The following YJEFN3 variants were observed in gnomAD, a reference collection of about 807,000 sequenced individuals.
The protein encoded by YJEFN3 is YjeF N-terminal domain containing 3.
A neutral mutation model predicts 31.5 loss-of-function variants in YJEFN3; 29 were observed. That is an observed-to-expected ratio of 0.92 (90% CI 0.69 to 1.26). The LOEUF (loss-of-function observed/expected upper bound fraction) is 1.26, where lower values mean the gene tolerates loss of function less well. YJEFN3 is among the 50% of genes most tolerant of loss of function. The pLI is 0.00. For missense variants in YJEFN3, 442 were observed against 425.4 expected, an observed-to-expected ratio of 1.04 and a Z score of -0.34; for synonymous variants, 227 against 196.1, an observed-to-expected ratio of 1.16 and a Z score of -1.32.
intron 2 of YJEFN3, among the ~76,000 whole-genome samples, chr19:19,532,018 A>G (rs1044377450): frequency 5.9e-5 from 9 of 151,950 alleles, no homozygotes. Context: ...GGGATTACGG[A>G]TGTGAGGCAC....
At chr19:19,533,909 G>A (rs762299997) in intron 3 of YJEFN3, 18 of 985,436 alleles carry the variant, frequency 1.8e-5, no homozygotes, top group Non-Finnish European at 1.9e-5. Context: ...CTCTGGGCCC[G>A]GTGTGGCTGG....
In YJEFN3 at chr19:19,531,718, CTTT is replaced by C. The variant is rs56747140; in HGVS notation, c.210-886_210-884del. Among the ~76,000 whole-genome samples, 184 of 75,796 alleles carry C rather than the reference CTTT, an allele frequency of 2.4e-3. 2 individuals are homozygous for C. Among genetic ancestry groups the C allele is most frequent in the Middle Eastern group, 0.012 (1 of 84 alleles). The allele number at this position is 75,796 out of a possible 152,430, so 49.7% of individuals were successfully genotyped here. ...GCCACATTTTCTGGCAACAAATAAC[CTTT>C]TTTTTTTTTTTTTTTTTTTTTTTTT... On this transcript the variant is annotated intron_variant, in intron 2 of 6. Transcript: ENST00000514277.
At chr19:19,535,173 C>A in intron 4 of YJEFN3, 29 bp downstream of exon 4, 1 of 1,568,466 alleles carries the variant, frequency 6.4e-7, no homozygotes, top group South Asian at 1.2e-5. Flanking sequence ...TTCGACCTCC[C>A]AAAGTCCCTG....
rs2061201300 is a variant in YJEFN3 at position 19,535,596 on chromosome 19, G to A, written c.611G>A (p.Gly204Asp). Reference sequence around the variant, plus strand: ...GTACTGGGCCCCGGCGTGGAGCCGGGCGAGGTCGGGGGCCCCTGCACCCGC... The same window carrying A: ...GTACTGGGCCCCGGCGTGGAGCCGGACGAGGTCGGGGGCCCCTGCACCCGC... ...DAVLGPGVEP[G>D]EVGGPCTRAL... The change falls in exon 6 of 7, where the codon GGC becomes GAC. Residue 204 changes from glycine to aspartate, a missense_variant. By Grantham distance (94) the Gly-to-Asp change is moderately conservative (BLOSUM62 -1). Transcript: ENST00000514277. 1.9e-6 allele frequency: 3 copies of A among 1,582,480 alleles called. No individual in the cohort carries two copies. The highest frequency in any genetic ancestry group is 1.8e-5 in the Admixed American group (1 of 55,892).
chr19:19,535,719 C>T lies in YJEFN3; in HGVS notation c.694+40C>T, dbSNP rs2061203249. On this transcript the variant is annotated intron_variant, in intron 6 of 6. Coordinates refer to ENST00000514277, the MANE Select transcript of YJEFN3 (RefSeq NM_198537.4). ...GGGGGGCACATTGGGGCCTGGGGGG[C>T]TTGGGTGGAGGCCCCTGTGCCCCAG... is the stretch of plus-strand genomic sequence containing the variant. The T allele has an allele frequency of 5.8e-6, 9 of 1,540,710 alleles. No individual in the cohort carries two copies. The South Asian group carries it at 9.5e-5, about 16-fold the overall frequency.
Position 19,537,447 on chromosome 19 carries a change from G to C in YJEFN3, c.823G>C (p.Val275Leu). ...GRHHFVAGRFVPDDVRRKFAL... is the reference protein window; with the variant it reads ...GRHHFVAGRFLPDDVRRKFAL... ...CCACCACTTCGTGGCCGGCAGGTTCGTGCCCGATGACGTGCGCCGCAAGTT... is the reference window on the plus strand; with the variant it reads ...CCACCACTTCGTGGCCGGCAGGTTCCTGCCCGATGACGTGCGCCGCAAGTT... The change falls in exon 7 of 7, where the codon GTG (valine) becomes CTG (leucine). Residue 275 changes from valine to leucine, a missense_variant. Transcript: ENST00000514277. 2 of 1,587,522 alleles carry C rather than the reference G, an allele frequency of 1.3e-6. No individual in the cohort carries two copies. Among genetic ancestry groups the C allele is most frequent in the South Asian group, 1.1e-5 (1 of 89,034 alleles).
intron 2 of YJEFN3, among the ~76,000 whole-genome samples, chr19:19,531,940 AT>A (rs2061160824): frequency 6.6e-6 from 1 of 151,812 alleles, no homozygotes; most frequent in Non-Finnish European, 1.5e-5. Context: ...GGGTTTCACC[AT>A]GTTGGGCAGG....
chr19:19,537,510 G>A lies in YJEFN3; in HGVS notation c.886G>A (p.Val296Ile). The change falls in exon 7 of 7, where the codon GTC becomes ATC. Residue 296 changes from valine (V) to isoleucine (I), a missense_variant. By Grantham distance (29) the Val-to-Ile change is conservative. Transcript: ENST00000514277. The stretch of plus-strand genomic sequence containing the variant: ...GCCGGGATACACGGGCACCGACTGC[G>A]TCGCGGCACTGTGACCGCCACCCGC... ...RLPGYTGTDC[V>I]AAL The A allele has an allele frequency of 6.4e-7, 1 of 1,562,910 alleles. No individual in the cohort carries two copies. Among genetic ancestry groups the A allele is most frequent in the Non-Finnish European group, 8.6e-7 (1 of 1,156,150 alleles).
chr19:19,531,054 A>G (rs2061151109), intron 2 of YJEFN3, among the ~76,000 whole-genome samples: 1 of 152,158 alleles, frequency 6.6e-6, no homozygotes, highest in Non-Finnish European at 1.5e-5. Context: ...ATTACCTGCC[A>G]CGATGTGCCA....
rs56747140 is a variant in YJEFN3, at chr19:19,531,718, C to CTTTTTTTTTTTTTTTTTTTTTT, written c.210-905_210-884dup. Among the ~76,000 whole-genome samples the CTTTTTTTTTTTTTTTTTTTTTT allele has an allele frequency of 1.4e-4, 11 of 75,864 alleles. 2 individuals carry two copies. Among genetic ancestry groups the CTTTTTTTTTTTTTTTTTTTTTT allele is most frequent in the African/African-American group, 8.3e-4 (11 of 13,252 alleles). 49.8% of individuals were successfully genotyped at this position (75,864 alleles called of 152,430 possible). On this transcript the variant is annotated intron_variant, in intron 2 of 6. Transcript: ENST00000514277. ...GCCACATTTTCTGGCAACAAATAAC[C>CTTTTTTTTTTTTTTTTTTTTTT]TTTTTTTTTTTTTTTTTTTTTTTTT...
intron 2 of YJEFN3, among the ~76,000 whole-genome samples, chr19:19,531,118 T>C (rs1015057412): frequency 3.3e-5 from 5 of 152,158 alleles, no homozygotes; most frequent in Admixed American, 6.5e-5. Flanking sequence ...CAGTCCTCCT[T>C]CTCCTGCACT....
At chr19:19,532,594 T>C (rs1371528229) in intron 2 of YJEFN3, 38 bp from the exon 3 acceptor site, 1 of 1,395,194 alleles carries the variant, frequency 7.2e-7, no homozygotes, top group Non-Finnish European at 9.7e-7. Flanking sequence ...GCTCTGTCTC[T>C]GTGTGTCTCT....
chr19:19,535,576 G>A lies in YJEFN3; in HGVS notation c.591G>A (p.Leu197=). The change falls in exon 6 of 7, where the codon CTG becomes CTA. Residue 197 remains leucine (L), a synonymous_variant. Coordinates refer to ENST00000514277, the MANE Select transcript of YJEFN3 (RefSeq NM_198537.4). ...ATGGGCTGGTGGTGGATGCCGTACTGGGCCCCGGCGTGGAGCCGGGCGAGG... is the reference window on the plus strand; with the variant it reads ...ATGGGCTGGTGGTGGATGCCGTACTAGGCCCCGGCGTGGAGCCGGGCGAGG... ...EAYGLVVDAV[L]GPGVEPGEVG... 2.5e-6 allele frequency: 4 copies of A among 1,582,112 alleles called. No individual in the cohort carries two copies. Among genetic ancestry groups the A allele is most frequent in the Non-Finnish European group, 3.4e-6 (4 of 1,163,680 alleles).
At position 19,535,692 on chromosome 19, in the gene YJEFN3, GA is replaced by G; in HGVS notation, c.694+14del. The G allele has an allele frequency of 2.6e-6, 4 of 1,548,972 alleles. No individual in the cohort carries two copies. Among genetic ancestry groups the G allele is most frequent in the Non-Finnish European group, 3.5e-6 (4 of 1,148,472 alleles). On this transcript the variant is annotated intron_variant, in intron 6 of 6. Coordinates refer to ENST00000514277, the MANE Select transcript of YJEFN3 (RefSeq NM_198537.4). ...GACATCCCCTCAGGCATGCCAGGCA[GA>G]GGGGGGCACATTGGGGCCTGGGGGG... is the stretch of plus-strand genomic sequence containing the variant.
rs1029881960 is a variant in YJEFN3, at chr19:19,535,550, T to C, written c.565T>C (p.Tyr189His). 2 of 1,595,272 alleles carry C rather than the reference T, an allele frequency of 1.3e-6. No homozygotes were observed. The highest frequency in any genetic ancestry group is 1.7e-6 in the Non-Finnish European group (2 of 1,169,220). Reference sequence around the variant, plus strand: ...CCAGGTGCAGCTCATTAACGAAGCCTATGGGCTGGTGGTGGATGCCGTACT... The same window carrying C: ...CCAGGTGCAGCTCATTAACGAAGCCCATGGGCTGGTGGTGGATGCCGTACT... ...PTEVQLINEAYGLVVDAVLGP... is the reference protein window; with the variant it reads ...PTEVQLINEAHGLVVDAVLGP... Residue 189 changes from tyrosine to histidine, a missense_variant, in exon 6 of 7, where the codon TAT becomes CAT. Coordinates refer to ENST00000514277, the MANE Select transcript of YJEFN3 (RefSeq NM_198537.4).
At chr19:19,532,919 G>C (rs1253433212) in intron 3 of YJEFN3, among the ~76,000 whole-genome samples, 179 bp downstream of exon 3, 1 of 152,174 alleles carries the variant, frequency 6.6e-6, no homozygotes, top group Non-Finnish European at 1.5e-5. Context: ...GGCCAGATGG[G>C]GACCTGAGAC....
chr19:19,532,516 AC>A (rs1720028363), intron 2 of YJEFN3, 115 bp from the exon 3 acceptor site: 3 of 592,982 alleles, frequency 5.1e-6, no homozygotes, highest in Non-Finnish European at 8.4e-6. Context: ...ACTCGGGGGT[AC>A]GGGGTGGGAG....
chr19:19,533,640 C>A, intron 3 of YJEFN3: 2 of 984,142 alleles, frequency 2.0e-6, no homozygotes, highest in Non-Finnish European at 2.4e-6. Context: ...CCCTCCTCAC[C>A]CCTCCTCCTC....
Position 19,528,922 on chromosome 19 carries a change from T to C in YJEFN3, c.-11T>C. 1 of 1,547,702 alleles carries C rather than the reference T, an allele frequency of 6.5e-7. No homozygotes were observed. Among genetic ancestry groups the C allele is most frequent in the Non-Finnish European group, 8.7e-7 (1 of 1,145,968 alleles). On this transcript the variant is annotated 5_prime_UTR_variant, in exon 1 of 7. Coordinates refer to ENST00000514277, the MANE Select transcript of YJEFN3 (RefSeq NM_198537.4). ...TGGCGGCAGCGCCCGGCGCCCGGGC[T>C]CACCTCGGCCATGAGCAGCGCAGCC...
Sources: allele counts gnomAD v4.1 joint callset (sites outside exome capture counted in the v4.1 genomes callset), GRCh38; gene constraint gnomAD v4.1.1; transcripts MANE v1.5; gene names NCBI Gene and HGNC (gene_info 2026-07-23, HGNC 2026-07-21).